Variants in OVCH1 observed in about 807,000 individuals in gnomAD.
The protein encoded by OVCH1 is ovochymase-1.
OVCH1 carries 139 observed loss-of-function variants against 138.4 expected under a neutral mutation model. The ratio of observed to expected loss-of-function variants is 1.00; its 90% CI spans 0.87 to 1.16. The LOEUF (loss-of-function observed/expected upper bound fraction) is 1.16. Among genes scored for constraint, OVCH1 ranks in the 50% most tolerant of loss-of-function variants. OVCH1 has a pLI of 0.00. For missense variants in OVCH1, 1,367 were observed against 1,357.9 expected, an observed-to-expected ratio of 1.01 and a Z score of -0.11; for synonymous variants, 453 against 467.8, an observed-to-expected ratio of 0.97 and a Z score of 0.41.
At chr12:29,490,714 C>T (rs1943249927) in intron 5 of OVCH1, among the ~76,000 whole-genome samples, 1 of 152,196 alleles carries the variant, frequency 6.6e-6, no homozygotes, top group Non-Finnish European at 1.5e-5. Context: ...CCGTTTCTCT[C>T]ATTCTCAAAT....
At chr12:29,477,611 ATCAT>A in intron 9 of OVCH1, 133 bp from the exon 11 acceptor site, 1 of 1,607,180 alleles carries the variant, frequency 6.2e-7, no homozygotes, top group Non-Finnish European at 8.5e-7. Flanking sequence ...TGGTCCTTTG[ATCAT>A]TCAACATTCC....
At chr12:29,455,574 AG>A (rs1373109814) in intron 19 of OVCH1, among the ~76,000 whole-genome samples, 169 bp from the exon 20 acceptor site, 9 of 152,318 alleles carry the variant, frequency 5.9e-5, no homozygotes, top group Non-Finnish European at 1.2e-4. Context: ...GTTTTGCAAA[AG>A]GAAACAAAAT....
chr12:29,439,728 A>G lies in OVCH1; in HGVS notation c.3158-294T>C, dbSNP rs943251577. Among the ~76,000 whole-genome samples the G allele has an allele frequency of 2.5e-4, 38 of 152,182 alleles. 1 individual carries two copies. Among genetic ancestry groups the G allele is most frequent in the Non-Finnish European group, 1.3e-4 (9 of 68,032 alleles). On this transcript the variant is annotated intron_variant, in intron 25 of 27. Coordinates refer to ENST00000318184, the Ensembl canonical transcript of OVCH1. ...CTCTCACTCCCCACTTCAGATGCCA[A>G]TTGCAAGTCCAGGTTGTCACATGTG...
At chr12:29,449,962 T>A (rs559567850) in intron 22 of OVCH1, among the ~76,000 whole-genome samples, 1 of 152,306 alleles carries the variant, frequency 6.6e-6, no homozygotes, top group Non-Finnish European at 1.5e-5. Context: ...GCTAGCCATA[T>A]GCAGAAAACT....
chr12:29,405,040 AAAAAAAAAAAAAAAAAC>A, the OVCH1 span, among the ~76,000 whole-genome samples: 6 of 148,784 alleles, frequency 4.0e-5, no homozygotes, highest in East Asian at 2.0e-4. Context: ...AAAAAAAAAA[AAAAAAAAAAAAAAAAAC>A]AAAAGAAATG....
Position 29,496,693 on chromosome 12 carries a change from G to A in OVCH1, c.65-19C>T. ...TTCAGTCCTGTGTAGAAGAGCATGTGTGTGTGCACACACAGAGCCTTATGT... is the reference window on the plus strand; with the variant it reads ...TTCAGTCCTGTGTAGAAGAGCATGTATGTGTGCACACACAGAGCCTTATGT... On this transcript the variant is annotated intron_variant, in intron 1 of 27. Transcript: ENST00000318184. 6.4e-7 allele frequency: 1 copy of A among 1,553,002 alleles called. No individual in the cohort carries two copies. Among genetic ancestry groups the A allele is most frequent in the Non-Finnish European group, 8.8e-7 (1 of 1,130,774 alleles).
intron 3 of OVCH1, among the ~76,000 whole-genome samples, chr12:29,419,645 C>T (rs964403453): frequency 6.6e-6 from 1 of 151,912 alleles, no homozygotes; most frequent in Non-Finnish European, 1.5e-5. Context: ...TGATTCTGTG[C>T]ATTATTACAA....
intron 22 of OVCH1, among the ~76,000 whole-genome samples, chr12:29,447,374 G>C (rs1941647344): frequency 6.6e-6 from 1 of 152,078 alleles, no homozygotes; most frequent in Non-Finnish European, 1.5e-5. Flanking sequence ...CTATTAAATT[G>C]ACATATTAGG....
intron 14 of OVCH1, among the ~76,000 whole-genome samples, chr12:29,473,725 G>A (rs750151449): frequency 2.6e-5 from 4 of 152,220 alleles, no homozygotes; most frequent in Admixed American, 6.5e-5. Context: ...TGATTGGATT[G>A]AGGGACACAA....
chr12:29,430,391 C>T (rs1348094228), intron 27 of OVCH1, among the ~76,000 whole-genome samples: 1 of 152,164 alleles, frequency 6.6e-6, no homozygotes, highest in African/African-American at 2.4e-5. Context: ...AGTATATGCC[C>T]TCTGCAGTGA....
chr12:29,405,997 C>T, the OVCH1 span, among the ~76,000 whole-genome samples: 1 of 152,164 alleles, frequency 6.6e-6, no homozygotes, highest in Non-Finnish European at 1.5e-5. Context: ...TAGTTATTTT[C>T]ACATAATCTT....
exon 15 of OVCH1, chr12:29,473,034 A>G: frequency 6.2e-7 from 1 of 1,608,966 alleles, no homozygotes. Context: ...CTCACCATGC[A>G]GAATAGCTTT....
At chr12:29,421,913 T>G (rs879288155) in intron 3 of OVCH1, among the ~76,000 whole-genome samples, 20 of 152,164 alleles carry the variant, frequency 1.3e-4, no homozygotes, top group Non-Finnish European at 2.6e-4. Flanking sequence ...TGGATTTGTG[T>G]TGTTTATTCA....
rs745516074 is a variant in OVCH1, at chr12:29,461,888, C to A, written c.2246G>T (p.Gly749Val). Residue 749 changes from glycine to valine, a missense_variant, in exon 19 of 28, where the codon GGC becomes GTC. Physicochemically the swap from Gly to Val is moderately radical, Grantham distance 109. Coordinates refer to ENST00000318184, the Ensembl canonical transcript of OVCH1. ...ATCTTTCTCTCCAGATGCTGCAAAG[C>A]CAGCACAGATCATCTTCTCTGTGAT... 5.0e-6 allele frequency: 8 copies of A among 1,613,836 alleles called. No individual in the cohort carries two copies. In the South Asian group the frequency reaches 8.8e-5, roughly 18 times the overall value.
chr12:29,463,700 G>T (rs1942216967), intron 18 of OVCH1, among the ~76,000 whole-genome samples: 1 of 152,112 alleles, frequency 6.6e-6, no homozygotes, highest in Non-Finnish European at 1.5e-5. Flanking sequence ...TTGTAAAATG[G>T]GGATGATAAA....
chr12:29,413,511 C>A (rs1399287538), intron 3 of OVCH1, among the ~76,000 whole-genome samples: 1 of 152,104 alleles, frequency 6.6e-6, no homozygotes, highest in Non-Finnish European at 1.5e-5. Context: ...ATTTTTATAT[C>A]TAATACATAT....
intron 4 of OVCH1, among the ~76,000 whole-genome samples, chr12:29,492,356 T>C (rs1215651676): frequency 6.6e-6 from 1 of 151,358 alleles, no homozygotes; most frequent in Non-Finnish European, 1.5e-5. Flanking sequence ...AAATCAGAGG[T>C]TAGATATAGG....
rs891361867 is a variant in OVCH1, at chr12:29,436,907, T to C, written c.3264+2421A>G. Among the ~76,000 whole-genome samples the C allele has an allele frequency of 7.9e-5, 12 of 152,282 alleles. No homozygotes were observed. The South Asian group carries it at 1.9e-3, about 24-fold the overall frequency. ...GCGAAAGAACAAAGCTTCCACAGCATGGAAAGGGACCCAAGCGGGTTGCTG... is the reference window on the plus strand; with the variant it reads ...GCGAAAGAACAAAGCTTCCACAGCACGGAAAGGGACCCAAGCGGGTTGCTG... On this transcript the variant is annotated intron_variant, in intron 26 of 27. Transcript: ENST00000318184.
intron 4 of OVCH1, among the ~76,000 whole-genome samples, chr12:29,492,477 A>T (rs372899612): frequency 6.6e-6 from 1 of 152,160 alleles, no homozygotes; most frequent in South Asian, 2.1e-4. Flanking sequence ...TACGTATTAA[A>T]AAGTACTATT....
Sources: allele counts gnomAD v4.1 joint callset (sites outside exome capture counted in the v4.1 genomes callset), GRCh38; gene constraint gnomAD v4.1.1; transcripts MANE v1.5; gene names NCBI Gene and HGNC (gene_info 2026-07-23, HGNC 2026-07-21).